XPR1: variants seen among roughly 807,000 people sequenced by gnomAD.
XPR1 encodes the protein solute carrier family 53 member 1.
Under a neutral mutation model 87.5 loss-of-function variants are expected in XPR1, and 28 were observed. That is an observed-to-expected ratio of 0.32 (90% CI 0.24 to 0.44). XPR1 has a LOEUF of 0.44. XPR1 is among the 20% of genes least tolerant of loss of function. The probability of loss-of-function intolerance (pLI) is 1.00; values close to 1 mark genes in which losing one functional copy is unlikely to be tolerated. For missense variants in XPR1, 559 were observed against 862.3 expected, an observed-to-expected ratio of 0.65 and a Z score of 4.41; for synonymous variants, 300 against 306.1, an observed-to-expected ratio of 0.98 and a Z score of 0.21.
chr1:180,735,844 T>C (rs1301188372), intron 2 of XPR1, among the ~76,000 whole-genome samples: 1 of 152,212 alleles, frequency 6.6e-6, no homozygotes, highest in Non-Finnish European at 1.5e-5. Flanking sequence ...TCCCATCCTT[T>C]ACATGAATCT....
chr1:180,819,755 T>C (rs1398018621), intron 7 of XPR1, among the ~76,000 whole-genome samples: 3 of 152,150 alleles, frequency 2.0e-5, no homozygotes, highest in African/African-American at 7.2e-5. Context: ...CGGTGGCTCA[T>C]GCCTGTAATC....
At chr1:180,685,164 A>G (rs1259709335) in intron 2 of XPR1, among the ~76,000 whole-genome samples, 3 of 152,114 alleles carry the variant, frequency 2.0e-5, no homozygotes, top group South Asian at 2.1e-4. Flanking sequence ...CGTCCCATCA[A>G]TACCTAATTT....
chr1:180,661,778 G>C (rs746000711), intron 1 of XPR1, among the ~76,000 whole-genome samples: 1 of 152,054 alleles, frequency 6.6e-6, no homozygotes, highest in Non-Finnish European at 1.5e-5. Context: ...AGGAGGCTGC[G>C]GCAGGAGAAT....
intron 1 of XPR1, among the ~76,000 whole-genome samples, chr1:180,673,848 A>G (rs1471160668): frequency 6.6e-6 from 1 of 152,204 alleles, no homozygotes; most frequent in Non-Finnish European, 1.5e-5. Context: ...CAGTAATACC[A>G]GTAGATTGCA....
chr1:180,861,066 C>G (rs10914119), intron 11 of XPR1, among the ~76,000 whole-genome samples: 6,538 of 152,080 alleles, frequency 0.043, 502 homozygotes, highest in African/African-American at 0.15. Flanking sequence ...AATCAGCTTT[C>G]TGTAATAAGA....
intron 2 of XPR1, among the ~76,000 whole-genome samples, chr1:180,743,940 C>G (rs749518774): frequency 6.6e-6 from 1 of 152,168 alleles, no homozygotes; most frequent in Non-Finnish European, 1.5e-5. Flanking sequence ...TATGATCCAT[C>G]TGGCCTTGGA....
intron 8 of XPR1, 22 bp from the exon 9 acceptor site, chr1:180,825,143 T>C (rs760958346): frequency 6.4e-7 from 1 of 1,569,096 alleles, no homozygotes; most frequent in Admixed American, 2.1e-5. Context: ...TCTATCTTTC[T>C]GTCTTCCCCA....
At chr1:180,806,423 T>C in intron 5 of XPR1, 51 bp from the exon 6 acceptor site, 2 of 1,578,548 alleles carry the variant, frequency 1.3e-6, no homozygotes, top group Non-Finnish European at 1.7e-6. Flanking sequence ...TATTTGTGCA[T>C]CACTCAAGTT....
intron 11 of XPR1, among the ~76,000 whole-genome samples, chr1:180,847,012 C>T (rs543332724): frequency 6.6e-6 from 1 of 152,208 alleles, no homozygotes; most frequent in South Asian, 2.1e-4. Context: ...CTGAATAATA[C>T]CCCAGAACAT....
At chr1:180,836,493 G>A in intron 10 of XPR1, 29 bp from the exon 11 acceptor site, 1 of 1,611,044 alleles carries the variant, frequency 6.2e-7, no homozygotes, top group Non-Finnish European at 8.5e-7. Flanking sequence ...TTTTTCAATG[G>A]TAATTTTTCT....
intron 11 of XPR1, among the ~76,000 whole-genome samples, chr1:180,862,746 T>C (rs1652263685): frequency 6.6e-6 from 1 of 152,078 alleles, no homozygotes; most frequent in Non-Finnish European, 1.5e-5. Context: ...CAGAAAAAAA[T>C]TATGAACGAT....
intron 7 of XPR1, among the ~76,000 whole-genome samples, chr1:180,819,695 C>G (rs963225916): frequency 6.6e-6 from 1 of 152,182 alleles, no homozygotes; most frequent in African/African-American, 2.4e-5. Flanking sequence ...TAGAGCAAAT[C>G]TATCACCACC....
chr1:180,810,186 A>G (rs754385554), intron 6 of XPR1, among the ~76,000 whole-genome samples: 1 of 152,158 alleles, frequency 6.6e-6, no homozygotes, highest in Non-Finnish European at 1.5e-5. Context: ...ATATAAAATT[A>G]AATTATAATA....
Position 180,668,123 on chromosome 1 carries a change from C to CTTTTT in XPR1, c.70-14218_70-14214dup, listed in dbSNP as rs758456790. ...TGCTTTCATATTTATTTCCCTCTAT[C>CTTTTT]TTTTTTTTTTTTTTTTTTTTTTTAA... On this transcript the variant is annotated intron_variant, in intron 1 of 14. Coordinates refer to ENST00000367590, the MANE Select transcript of XPR1 (RefSeq NM_004736.4). Among the ~76,000 whole-genome samples, 43 of 94,694 alleles carry CTTTTT rather than the reference C, an allele frequency of 4.5e-4. 1 individual carries two copies. Among genetic ancestry groups the CTTTTT allele is most frequent in the African/African-American group, 8.2e-4 (17 of 20,850 alleles). 62.1% of individuals were successfully genotyped at this position (94,694 alleles called of 152,430 possible). A position where few individuals can be genotyped will look rare whatever the true frequency, so the allele number is the denominator to read the frequency against.
chr1:180,850,608 A>G (rs982318085), intron 11 of XPR1, among the ~76,000 whole-genome samples: 18 of 152,128 alleles, frequency 1.2e-4, no homozygotes, highest in African/African-American at 4.1e-4. Flanking sequence ...TTCTGCCCAT[A>G]TGTATGTACT....
In XPR1 at chr1:180,853,711, T is replaced by C. The variant is rs192417176; in HGVS notation, c.1502-9997T>C. 4.6e-5 allele frequency among the ~76,000 whole-genome samples: 7 copies of C among 151,794 alleles called. No individual in the cohort carries two copies. In the East Asian group the frequency reaches 1.4e-3, roughly 29 times the overall value. On this transcript the variant is annotated intron_variant, in intron 11 of 14. Coordinates refer to ENST00000367590, the MANE Select transcript of XPR1 (RefSeq NM_004736.4). Reference sequence around the variant, plus strand: ...CTTTGGATTGAGAACATTTCCTGCTTTTGCATGGTATTGCTAGCTGCTAAC... The same window carrying C: ...CTTTGGATTGAGAACATTTCCTGCTCTTGCATGGTATTGCTAGCTGCTAAC...
intron 11 of XPR1, among the ~76,000 whole-genome samples, chr1:180,842,891 T>G (rs1415456385): frequency 6.6e-6 from 1 of 152,254 alleles, no homozygotes; most frequent in Admixed American, 6.5e-5. Flanking sequence ...TTTGTTAGTG[T>G]TTGCTAAAAA....
chr1:180,819,053 G>A (rs769534728), intron 7 of XPR1, among the ~76,000 whole-genome samples: 2 of 152,194 alleles, frequency 1.3e-5, no homozygotes, highest in Admixed American at 1.3e-4. Context: ...GGGCTCAGGC[G>A]ATCCTCCTGC....
Position 180,634,068 on chromosome 1 carries a change from T to C in XPR1, c.69+1798T>C, listed in dbSNP as rs1654685461. Among the ~76,000 whole-genome samples, 6 of 152,336 alleles carry C rather than the reference T, an allele frequency of 3.9e-5. 1 individual carries two copies. In the South Asian group the frequency reaches 1.2e-3, roughly 32 times the overall value. On this transcript the variant is annotated intron_variant, in intron 1 of 14. Coordinates refer to ENST00000367590, the MANE Select transcript of XPR1 (RefSeq NM_004736.4). ...GATTTAGTTTGAAAATGCAACCCTCTTAATTTGTAATGTCAGTTTTGTGGC... is the reference window on the plus strand; with the variant it reads ...GATTTAGTTTGAAAATGCAACCCTCCTAATTTGTAATGTCAGTTTTGTGGC...
Sources: gnomAD v4.1 joint callset for allele counts (sites outside exome capture counted in the v4.1 genomes callset) on GRCh38, gnomAD v4.1.1 for gene constraint, MANE v1.5 for transcripts, NCBI Gene and HGNC (gene_info 2026-07-23, HGNC 2026-07-21) for gene names.